The following COL9A2 variants were observed in gnomAD, a reference collection of about 807,000 sequenced individuals.
COL9A2 encodes collagen type IX alpha 2 chain, also known as collagen alpha-2(IX) chain.
COL9A2 carries 66 observed loss-of-function variants against 111.6 expected under a neutral mutation model. The observed-to-expected ratio is 0.59, with a 90% CI of 0.48 to 0.73. The LOEUF is 0.73. Among genes scored for constraint, COL9A2 ranks in the 30% least tolerant of loss-of-function variants. COL9A2 has a pLI of 0.00. For synonymous variants in COL9A2, 353 were observed against 364.1 expected (o/e 0.97, Z 0.35); for missense variants, 881 against 954.1 (o/e 0.92, Z 1.01).
Position 40,312,116 on chromosome 1 carries a change from G to A in COL9A2, c.364-4C>T, listed in dbSNP as rs1276761247. 1.3e-6 allele frequency: 2 copies of A among 1,599,872 alleles called. No individual in the cohort carries two copies. Among genetic ancestry groups the A allele is most frequent in the South Asian group, 1.1e-5 (1 of 87,662 alleles). On this transcript the variant is annotated splice_polypyrimidine_tract_variant and splice_region_variant and intron_variant, in intron 7 of 31. Coordinates refer to ENST00000372748, the MANE Select transcript of COL9A2 (RefSeq NM_001852.4). This position sits in a 1 kb window ranked among gnomAD's most constrained non-coding sequence, Gnocchi z 6.0. ...GGCCAACAGGTCCAGGAGGCCCCTG[G>A]GGAGCAGAGAGTTGATGGTCAGGAT... is the stretch of plus-strand genomic sequence containing the variant.
Position 40,311,479 on chromosome 1 carries a change from G to T in COL9A2, c.519+21C>A. ...GGCCCCGCCCCCCTGTGTTAGCCCC[G>T]CCCCAGACCTCGTCTCTCACCAGGA... On this transcript the variant is annotated intron_variant, in intron 10 of 31. Transcript: ENST00000372748. This position sits in a 1 kb window ranked among gnomAD's most constrained non-coding sequence, Gnocchi z 5.1. The T allele has an allele frequency of 2.0e-6, 1 of 507,948 alleles. No homozygotes were observed. Among genetic ancestry groups the T allele is most frequent in the Middle Eastern group, 3.8e-4 (1 of 2,660 alleles). 31.5% of individuals were successfully genotyped at this position (507,948 alleles called of 1,614,324 possible). A position where few individuals can be genotyped will look rare whatever the true frequency, so the allele number is the denominator to read the frequency against.
intron 4 of COL9A2, among the ~76,000 whole-genome samples, chr1:40,313,640 G>A (rs926688050): frequency 6.6e-6 from 1 of 152,154 alleles, no homozygotes; most frequent in African/African-American, 2.4e-5. Context: ...GAGCCAGCAG[G>A]GCAGAGGCAA....
rs1161215869 is a variant in COL9A2 at position 40,305,748 on chromosome 1, G to A, written c.1074C>T (p.Gly358=). 6.2e-7 allele frequency: 1 copy of A among 1,614,102 alleles called. No homozygotes were observed. Among genetic ancestry groups the A allele is most frequent in the Non-Finnish European group, 8.5e-7 (1 of 1,180,012 alleles). Residue 358 remains glycine, a synonymous_variant, in exon 21 of 32, where the codon GGC becomes GGT. Transcript: ENST00000372748. The stretch of plus-strand genomic sequence containing the variant: ...CAGGGGGACCAGAGAATCCAGGAAG[G>A]CCCTGCGGGCCCGGCTCACCCTGCA... ...PGDQGEPGPQ[G]LPGFSGPPGK...
In COL9A2 at chr1:40,302,519, G is replaced by T; in HGVS notation, c.1792+102C>A. 2 of 1,331,262 alleles carry T rather than the reference G, an allele frequency of 1.5e-6. No individual in the cohort carries two copies. Among genetic ancestry groups the T allele is most frequent in the Non-Finnish European group, 2.1e-6 (2 of 960,882 alleles). The allele number at this position is 1,331,262 out of a possible 1,614,324, so 82.5% of individuals were successfully genotyped here. ...CCTGGACCATGTGGCTGAGGAACCG[G>T]GGAAGGGTCTGTATGTCATCCTGAG... On this transcript the variant is annotated intron_variant, in intron 30 of 31. Transcript: ENST00000372748. This position sits in a 1 kb window ranked among gnomAD's most constrained non-coding sequence, Gnocchi z 4.5.
chr1:40,311,885 GC>G lies in COL9A2; in HGVS notation c.418-171del. Among the ~76,000 whole-genome samples the G allele has an allele frequency of 6.6e-6, 1 of 152,312 alleles. No homozygotes were observed. The highest frequency in any genetic ancestry group is 2.1e-4 in the South Asian group (1 of 4,824). Reference sequence around the variant, plus strand: ...TGATTGACAGGGGATGGGGCCAGCGGCGTCCCTAAAAGACCTAGTGCCGGGT... The same window carrying G: ...TGATTGACAGGGGATGGGGCCAGCGGGTCCCTAAAAGACCTAGTGCCGGGT... On this transcript the variant is annotated intron_variant, in intron 8 of 31. Coordinates refer to ENST00000372748, the MANE Select transcript of COL9A2 (RefSeq NM_001852.4). This position sits in a 1 kb window ranked among gnomAD's most constrained non-coding sequence, Gnocchi z 5.1.
At chr1:40,308,049 AAGGG>A in intron 17 of COL9A2, 139 bp downstream of exon 17, 1 of 819,688 alleles carries the variant, frequency 1.2e-6, no homozygotes, top group Non-Finnish European at 2.0e-6. Context: ...GAGGCACAGA[AAGGG>A]AGGCATTTCC....
At position 40,303,577 on chromosome 1, in the gene COL9A2, C is replaced by T. The variant is rs749782894; in HGVS notation, c.1501G>A (p.Ala501Thr). The T allele has an allele frequency of 3.1e-6, 5 of 1,610,608 alleles. No individual in the cohort carries two copies. ...YPGPPGPRGLAGNRGVPGQPG... is the reference protein window; with the variant it reads ...YPGPPGPRGLTGNRGVPGQPG... ...TGTCCTGGCACGCCTCGGTTCCCGG[C>T]CAGTCCTCGAGGGCCGGGGGGACCA... The change falls in exon 28 of 32, where the codon GCC (alanine) becomes ACC (threonine). Residue 501 changes from alanine to threonine, a missense_variant. By Grantham distance (58) the Ala-to-Thr change is moderately conservative. Coordinates refer to ENST00000372748, the MANE Select transcript of COL9A2 (RefSeq NM_001852.4). The surrounding 1 kb of genome is among the most constrained non-coding windows in gnomAD (Gnocchi z 4.6).
chr1:40,311,944 G>T lies in COL9A2; in HGVS notation c.417+115C>A. The T allele has an allele frequency of 2.5e-6, 3 of 1,212,014 alleles. No individual in the cohort carries two copies. The highest frequency in any genetic ancestry group is 3.6e-6 in the Non-Finnish European group (3 of 837,646). 75.1% of individuals were successfully genotyped at this position (1,212,014 alleles called of 1,614,324 possible). ...TAGGAGGGGTTTCTGCCCCAGACCT[G>T]GAGGAGTTTCCCAGTGGCCAGGAGC... On this transcript the variant is annotated intron_variant, in intron 8 of 31. Transcript: ENST00000372748. The surrounding 1 kb of genome is among the most constrained non-coding windows in gnomAD (Gnocchi z 5.1).
rs1205873213 is a variant in COL9A2, at chr1:40,304,470, A to G, written c.1215+6T>C. 6.2e-7 allele frequency: 1 copy of G among 1,614,034 alleles called. No homozygotes were observed. The highest frequency in any genetic ancestry group is 2.2e-5 in the East Asian group (1 of 44,870). ...GCCCTGCCCACCTTAGCTGGCCTGC[A>G]CTCACCTGCCTTCCCTGAGGGCCTG... On this transcript the variant is annotated splice_donor_region_variant and intron_variant, in intron 23 of 31. Coordinates refer to ENST00000372748, the MANE Select transcript of COL9A2 (RefSeq NM_001852.4).
chr1:40,305,441 G>A (rs1343516286), intron 21 of COL9A2, among the ~76,000 whole-genome samples: 1 of 152,220 alleles, frequency 6.6e-6, no homozygotes, highest in Non-Finnish European at 1.5e-5. Context: ...TTTAGTGAAT[G>A]TTTATGCAAT....
Position 40,314,185 on chromosome 1 carries a change from C to T in COL9A2, c.249+20G>A. ...ATTGGCAGAGCCCTACCCTGCCCCA[C>T]CCGACACTCAGCTACTCACATCAAT... On this transcript the variant is annotated intron_variant, in intron 4 of 31. Coordinates refer to ENST00000372748, the MANE Select transcript of COL9A2 (RefSeq NM_001852.4). The surrounding 1 kb of genome is among the most constrained non-coding windows in gnomAD (Gnocchi z 4.1). 6.2e-7 allele frequency: 1 copy of T among 1,614,026 alleles called. No homozygotes were observed. Among genetic ancestry groups the T allele is most frequent in the Non-Finnish European group, 8.5e-7 (1 of 1,179,918 alleles).
rs1449538445 is a variant in COL9A2 at position 40,308,215 on chromosome 1, T to A, written c.877A>T (p.Ile293Phe). The change falls in exon 17 of 32, where the codon ATC becomes TTC. Residue 293 changes from isoleucine (I) to phenylalanine (F), a missense_variant. Ile to Phe is a conservative substitution (Grantham distance 21, BLOSUM62 0). Coordinates refer to ENST00000372748, the MANE Select transcript of COL9A2 (RefSeq NM_001852.4). ...ACCGTTGCTCCTTTCGGGCCTGTGA[T>A]CCCCTGGGGTCCACGAATACCTGGG... ...GSPGIRGPQG[I>F]TGPKGATGPP... 1 of 1,614,034 alleles carries A rather than the reference T, an allele frequency of 6.2e-7. No individual in the cohort carries two copies. The highest frequency in any genetic ancestry group is 1.7e-5 in the Admixed American group (1 of 60,004).
In COL9A2 at chr1:40,311,865, G is replaced by T; in HGVS notation, c.418-150C>A. 1 of 1,034,582 alleles carries T rather than the reference G, an allele frequency of 9.7e-7. No individual in the cohort carries two copies. Among genetic ancestry groups the T allele is most frequent in the Non-Finnish European group, 1.5e-6 (1 of 671,576 alleles). 64.1% of individuals were successfully genotyped at this position (1,034,582 alleles called of 1,614,324 possible). ...CATCTTGGGAGATGAAGGCCTGATT[G>T]ACAGGGGATGGGGCCAGCGGCGTCC... On this transcript the variant is annotated intron_variant, in intron 8 of 31. Transcript: ENST00000372748. This position sits in a 1 kb window ranked among gnomAD's most constrained non-coding sequence, Gnocchi z 5.1.
chr1:40,304,176 CCT>C, intron 24 of COL9A2, 77 bp from the exon 25 acceptor site: 1 of 1,516,152 alleles, frequency 6.6e-7, no homozygotes. Flanking sequence ...CGGCCACACC[CCT>C]CTTTCCAACT....
intron 2 of COL9A2, among the ~76,000 whole-genome samples, chr1:40,315,068 T>C (rs893970321): frequency 2.4e-4 from 36 of 152,166 alleles, no homozygotes; most frequent in African/African-American, 8.7e-4. Context: ...CTGTCCAGAC[T>C]GGTAAACATC....
In COL9A2 at chr1:40,311,019, C is replaced by A. The variant is rs3737816; in HGVS notation, c.630+74G>T. On this transcript the variant is annotated intron_variant, in intron 12 of 31. Coordinates refer to ENST00000372748, the MANE Select transcript of COL9A2 (RefSeq NM_001852.4). The surrounding 1 kb of genome is among the most constrained non-coding windows in gnomAD (Gnocchi z 5.1). ...GAACCCACAGGGGAAGGGGAAGGGA[C>A]GAAGAAGGGGACAGAGCCCTGTAGG... 1.3e-6 allele frequency: 2 copies of A among 1,585,604 alleles called. No individual in the cohort carries two copies. The highest frequency in any genetic ancestry group is 1.1e-5 in the South Asian group (1 of 90,446).
chr1:40,304,860 G>A lies in COL9A2; in HGVS notation c.1108-13C>T, dbSNP rs368340472. On this transcript the variant is annotated splice_polypyrimidine_tract_variant and intron_variant, in intron 21 of 31. Transcript: ENST00000372748. ...GCCCTGGCTCTCCCTGGAGGAAGGA[G>A]AAATTGGGGCTAAGCGTTTGACCTG... The A allele has an allele frequency of 1.3e-6, 2 of 1,549,170 alleles. No individual in the cohort carries two copies. Among genetic ancestry groups the A allele is most frequent in the East Asian group, 4.9e-5 (2 of 40,898 alleles).
chr1:40,307,556 C>CT lies in COL9A2; in HGVS notation c.955-58dup. 1 of 1,604,996 alleles carries CT rather than the reference C, an allele frequency of 6.2e-7. No homozygotes were observed. The highest frequency in any genetic ancestry group is 2.2e-5 in the East Asian group (1 of 44,742). On this transcript the variant is annotated intron_variant, in intron 18 of 31. Coordinates refer to ENST00000372748, the MANE Select transcript of COL9A2 (RefSeq NM_001852.4). The surrounding 1 kb of genome is among the most constrained non-coding windows in gnomAD (Gnocchi z 4.8). Reference sequence around the variant, plus strand: ...TAAAGCTCCAGCCAGAGGGCCATGGCTTCTACCCAGATGCAGGTAGGGAAA... The same window carrying CT: ...TAAAGCTCCAGCCAGAGGGCCATGGCTTTCTACCCAGATGCAGGTAGGGAAA...
rs1425289220 is a variant in COL9A2 at position 40,305,620 on chromosome 1, AG to A, written c.1107+94del. The stretch of plus-strand genomic sequence containing the variant: ...TCCCTGAATCATTGGGTCAGGGCAG[AG>A]CCAGACTAACTCGGAGCTCTCCCTA... On this transcript the variant is annotated intron_variant, in intron 21 of 31. Transcript: ENST00000372748. The A allele has an allele frequency of 6.0e-6, 7 of 1,168,692 alleles. No individual in the cohort carries two copies. In the African/African-American group the frequency reaches 1.1e-4, roughly 18 times the overall value. The allele number at this position is 1,168,692 out of a possible 1,614,324, so 72.4% of individuals were successfully genotyped here. A position where few individuals can be genotyped will look rare whatever the true frequency, so the allele number is the denominator to read the frequency against.
Sources: gnomAD v4.1 joint callset for allele counts (sites outside exome capture counted in the v4.1 genomes callset) on GRCh38, gnomAD v4.1.1 for gene constraint, Gnocchi (gnomAD v3.1) non-coding constraint, MANE v1.5 for transcripts, NCBI Gene and HGNC (gene_info 2026-07-23, HGNC 2026-07-21) for gene names.